PLEKHG1: variants seen among roughly 807,000 people sequenced by gnomAD.
The protein encoded by PLEKHG1 is pleckstrin homology domain-containing family G member 1.
Under a neutral mutation model 100.8 loss-of-function variants are expected in PLEKHG1, and 44 were observed. That is an observed-to-expected ratio of 0.44 (90% CI 0.34 to 0.56). The LOEUF (loss-of-function observed/expected upper bound fraction) is 0.56, where lower values mean the gene tolerates loss of function less well. PLEKHG1 is among the 20% of genes least tolerant of loss of function. PLEKHG1 has a pLI of 0.01. For missense variants in PLEKHG1, 1,545 were observed against 1,720.9 expected (o/e 0.90, Z 1.81); for synonymous variants, 640 against 662.5 (o/e 0.97, Z 0.52).
chr6:150,671,119 A>G (rs1256068135), intron 3 of PLEKHG1, among the ~76,000 whole-genome samples: 1 of 151,656 alleles, frequency 6.6e-6, no homozygotes, highest in East Asian at 1.9e-4. Flanking sequence ...ATACACACAC[A>G]CACCAGTTTA....
chr6:150,727,783 T>A lies in PLEKHG1; in HGVS notation c.-98-5801T>A, dbSNP rs547546639. ...TGGGTGGAACCAGCTTATTTTAGGG[T>A]CAAAAGATATACCTGATATAAGCCA... On this transcript the variant is annotated intron_variant, in intron 1 of 15. Coordinates refer to ENST00000358517, the Ensembl canonical transcript of PLEKHG1. Among the ~76,000 whole-genome samples the A allele has an allele frequency of 2.0e-5, 3 of 152,210 alleles. No individual in the cohort carries two copies. The South Asian group carries it at 6.2e-4, about 32-fold the overall frequency.
At chr6:150,689,001 C>A (rs1780246496) in intron 3 of PLEKHG1, among the ~76,000 whole-genome samples, 1 of 152,208 alleles carries the variant, frequency 6.6e-6, no homozygotes, top group South Asian at 2.1e-4. Flanking sequence ...TCACCCCAAA[C>A]AAAAATTCTG....
chr6:150,782,404 T>C (rs1051003519), intron 3 of PLEKHG1, among the ~76,000 whole-genome samples: 4 of 151,868 alleles, frequency 2.6e-5, no homozygotes, highest in African/African-American at 4.8e-5. Context: ...AAAAAAATAA[T>C]AAAATAAAAT....
At chr6:150,823,524 A>G (rs567848666) in intron 13 of PLEKHG1, 130 bp from the exon 15 acceptor site, 63 of 634,128 alleles carry the variant, frequency 9.9e-5, no homozygotes, top group African/African-American at 3.3e-4. Context: ...AATTAGATCT[A>G]TAGGGCCCAG....
intron 7 of PLEKHG1, among the ~76,000 whole-genome samples, chr6:150,805,309 CT>C (rs1207061813): frequency 6.6e-6 from 1 of 152,204 alleles, no homozygotes; most frequent in African/African-American, 2.4e-5. Context: ...GAGCCTCCCA[CT>C]TCTATTAATT....
chr6:150,777,746 G>A (rs148504922), intron 3 of PLEKHG1, among the ~76,000 whole-genome samples: 1 of 150,618 alleles, frequency 6.6e-6, no homozygotes, highest in East Asian at 2.0e-4. Flanking sequence ...TGGTGCACGT[G>A]TGGTTGCACA....
intron 3 of PLEKHG1, 62 bp downstream of exon 4, chr6:150,768,800 T>C: frequency 2.0e-6 from 2 of 984,068 alleles, no homozygotes; most frequent in South Asian, 1.4e-5. Context: ...CTCAAATGAA[T>C]GCAGCCTAAG....
chr6:150,703,076 A>T (rs1780863605), intron 3 of PLEKHG1, among the ~76,000 whole-genome samples: 1 of 152,308 alleles, frequency 6.6e-6, no homozygotes, highest in Non-Finnish European at 1.5e-5. Context: ...TTAGATGAAA[A>T]AATGGCCAAG....
intron 4 of PLEKHG1, among the ~76,000 whole-genome samples, chr6:150,791,771 A>C (rs1452049670): frequency 6.6e-6 from 1 of 152,212 alleles, no homozygotes. Flanking sequence ...ATAGAACAAA[A>C]CTAAGGTTCC....
At chr6:150,723,652 G>A (rs539518859) in intron 1 of PLEKHG1, among the ~76,000 whole-genome samples, 4 of 152,226 alleles carry the variant, frequency 2.6e-5, no homozygotes, top group Admixed American at 2.6e-4. Flanking sequence ...GTTGGTTTTG[G>A]GGGCTTTTTA....
chr6:150,832,771 CCCAGGCTCA>C (rs1583218859), intron 15 of PLEKHG1, among the ~76,000 whole-genome samples: 1 of 150,526 alleles, frequency 6.6e-6, no homozygotes, highest in South Asian at 2.1e-4. Context: ...CCTCAGCCTC[CCCAGGCTCA>C]AGCAGTCCTC....
chr6:150,828,059 G>A (rs917303447), intron 14 of PLEKHG1: 7 of 1,613,012 alleles, frequency 4.3e-6, no homozygotes, highest in Non-Finnish European at 5.9e-6. Context: ...TGATAAATCA[G>A]CACCTCAGTG....
At chr6:150,658,169 T>C (rs1779042809) in intron 3 of PLEKHG1, among the ~76,000 whole-genome samples, 1 of 152,212 alleles carries the variant, frequency 6.6e-6, no homozygotes, top group African/African-American at 2.4e-5. Flanking sequence ...GTAGGCATAC[T>C]TCAGAAGTCT....
chr6:150,649,297 A>C (rs1778619152), intron 2 of PLEKHG1, among the ~76,000 whole-genome samples: 1 of 152,120 alleles, frequency 6.6e-6, no homozygotes, highest in African/African-American at 2.4e-5. Context: ...CTTTTTATTA[A>C]GTTTTTTTGT....
chr6:150,613,001 A>G (rs907413182), intron 1 of PLEKHG1, among the ~76,000 whole-genome samples: 1 of 152,116 alleles, frequency 6.6e-6, no homozygotes, highest in African/African-American at 2.4e-5. Flanking sequence ...AAGCAAGTCC[A>G]TGGGGTAGCC....
chr6:150,767,309 G>T (rs1254238551), intron 2 of PLEKHG1, among the ~76,000 whole-genome samples: 1 of 152,014 alleles, frequency 6.6e-6, no homozygotes, highest in African/African-American at 2.4e-5. Context: ...AGCTATTTGG[G>T]GATTTTAATG....
At chr6:150,818,078 T>A in intron 10 of PLEKHG1, 105 bp from the exon 12 acceptor site, 1 of 917,578 alleles carries the variant, frequency 1.1e-6, no homozygotes, top group Non-Finnish European at 1.7e-6. Flanking sequence ...TTTTTAAACG[T>A]TTTTAAAAAT....
At chr6:150,828,278 C>T (rs201947771) in intron 14 of PLEKHG1, 59,176 of 1,540,536 alleles carry the variant, frequency 0.038, no homozygotes, top group Admixed American at 0.16. Flanking sequence ...GGAGCAATTA[C>T]GACAGACCTG....
At chr6:150,825,678 G>A (rs1293377466) in intron 14 of PLEKHG1, among the ~76,000 whole-genome samples, 5 of 152,186 alleles carry the variant, frequency 3.3e-5, no homozygotes, top group Non-Finnish European at 7.3e-5. Context: ...TGTATGAGGT[G>A]GTTAAGCTCA....
Sources: allele counts gnomAD v4.1 joint callset (sites outside exome capture counted in the v4.1 genomes callset), GRCh38; gene constraint gnomAD v4.1.1; transcripts MANE v1.5; gene names NCBI Gene and HGNC (gene_info 2026-07-23, HGNC 2026-07-21).